USP15: variants seen among roughly 807,000 people sequenced by gnomAD.
USP15 encodes ubiquitin specific peptidase 15, also known as ubiquitin carboxyl-terminal hydrolase 15.
A neutral mutation model predicts 127.1 loss-of-function variants in USP15; 18 were observed. The observed-to-expected ratio is 0.14, with a 90% CI of 0.10 to 0.21. The LOEUF (loss-of-function observed/expected upper bound fraction) is 0.21. Among genes scored for constraint, USP15 ranks in the 10% least tolerant of loss-of-function variants. The pLI is 1.00. For synonymous variants in USP15, 364 were observed against 393.7 expected (o/e 0.92, Z 0.89); for missense variants, 805 against 1,159.9 (o/e 0.69, Z 4.44).
intron 3 of USP15, among the ~76,000 whole-genome samples, chr12:62,306,751 AAGC>A (rs1275826361): frequency 6.6e-6 from 1 of 152,148 alleles, no homozygotes; most frequent in Non-Finnish European, 1.5e-5. Flanking sequence ...TGCTAATACT[AAGC>A]AGTGTTTCTG....
chr12:62,330,873 CTGTGA>C (rs1164724696), intron 6 of USP15, among the ~76,000 whole-genome samples: 2 of 149,152 alleles, frequency 1.3e-5, no homozygotes, highest in Non-Finnish European at 3.0e-5. Flanking sequence ...CTGCAAAGAG[CTGTGA>C]TCACACAACT....
At chr12:62,384,420 A>G in intron 11 of USP15, 118 bp downstream of exon 11, 1 of 775,862 alleles carries the variant, frequency 1.3e-6, no homozygotes, top group Non-Finnish European at 2.0e-6. Context: ...TATCAAGCCC[A>G]ATCAATAATG....
intron 6 of USP15, among the ~76,000 whole-genome samples, chr12:62,332,683 C>A (rs1029299809): frequency 1.3e-5 from 2 of 152,060 alleles, no homozygotes; most frequent in Non-Finnish European, 2.9e-5. Context: ...GACTGGAAAA[C>A]ATCCAGAGAA....
At chr12:62,326,497 G>A (rs1398024996) in intron 6 of USP15, among the ~76,000 whole-genome samples, 2 of 152,136 alleles carry the variant, frequency 1.3e-5, no homozygotes, top group African/African-American at 4.8e-5. Flanking sequence ...GCTCTAAGAA[G>A]TAATATGGTA....
chr12:62,335,582 T>G, intron 6 of USP15: 1 of 1,018,324 alleles, frequency 9.8e-7, no homozygotes, highest in Non-Finnish European at 1.2e-6. Flanking sequence ...GCCACACATA[T>G]GGTAAACACC....
rs537846524 is a variant in USP15, at chr12:62,409,356, T to C, written c.*4981T>C. On this transcript the variant is annotated 3_prime_UTR_variant, in exon 22 of 22. Coordinates refer to ENST00000280377, the MANE Select transcript of USP15 (RefSeq NM_001252078.2). ...AGAGAGAAAATCAGTCAAATGGGTT[T>C]TGATATTTTTTTTTCCTAGAAATGT... is the stretch of plus-strand genomic sequence containing the variant. 1.4e-4 allele frequency: 21 copies of C among 152,282 alleles called. No individual in the cohort carries two copies. The highest frequency in any genetic ancestry group is 4.6e-4 in the African/African-American group (19 of 41,566). The allele number at this position is 152,282 out of a possible 1,614,324, so 9.4% of individuals were successfully genotyped here.
At chr12:62,346,832 A>G (rs745581240) in intron 6 of USP15, among the ~76,000 whole-genome samples, 1 of 152,164 alleles carries the variant, frequency 6.6e-6, no homozygotes, top group African/African-American at 2.4e-5. Flanking sequence ...AGTACTTCCT[A>G]GTCTTTCAGC....
At chr12:62,337,181 A>T (rs73136830) in intron 6 of USP15, among the ~76,000 whole-genome samples, 1 of 152,130 alleles carries the variant, frequency 6.6e-6, no homozygotes, top group Admixed American at 6.5e-5. Context: ...CGAAAGCCCA[A>T]ATTTTATCAT....
rs372265021 is a variant in USP15 at position 62,409,249 on chromosome 12, T to A, written c.*4874T>A. ...GGGTTGTGAAATAGATCTCAGACTA[T>A]TAAGGACATTCAGAAACTGGCTAAG... On this transcript the variant is annotated 3_prime_UTR_variant, in exon 22 of 22. Transcript: ENST00000280377. 4 of 152,144 alleles carry A rather than the reference T, an allele frequency of 2.6e-5. No individual in the cohort carries two copies. In the East Asian group the frequency reaches 7.7e-4, roughly 29 times the overall value. The allele number at this position is 152,144 out of a possible 1,614,324, so 9.4% of individuals were successfully genotyped here. A position where few individuals can be genotyped will look rare whatever the true frequency, so the allele number is the denominator to read the frequency against.
At chr12:62,324,073 T>C (rs1190136798) in intron 5 of USP15, among the ~76,000 whole-genome samples, 1 of 151,874 alleles carries the variant, frequency 6.6e-6, no homozygotes, top group Non-Finnish European at 1.5e-5. Context: ...TATTGAAGAG[T>C]TTGCCTCCCA....
chr12:62,340,944 T>A (rs2065626930), intron 6 of USP15, among the ~76,000 whole-genome samples: 1 of 152,178 alleles, frequency 6.6e-6, no homozygotes, highest in Non-Finnish European at 1.5e-5. Context: ...ATTTTCTATC[T>A]CATTGATCTG....
chr12:62,355,372 A>G lies in USP15; in HGVS notation c.812A>G (p.Tyr271Cys), dbSNP rs1235480720. 2 of 1,611,058 alleles carry G rather than the reference A, an allele frequency of 1.2e-6. No individual in the cohort carries two copies. The highest frequency in any genetic ancestry group is 2.2e-5 in the East Asian group (1 of 44,776). The stretch of plus-strand genomic sequence containing the variant: ...TACTGTCTTCCATCATATACCGCTT[A>G]TAAGAACTATGATTATTCGGAACCT... ...SNYCLPSYTA[Y>C]KNYDYSEPGR... The change falls in exon 8 of 22, where the codon TAT (tyrosine) becomes TGT (cysteine). Residue 271 changes from tyrosine to cysteine, a missense_variant. By Grantham distance (194) the Tyr-to-Cys change is radical (BLOSUM62 -2). Around this residue, in one of 11 missense-constraint regions of USP15, gnomAD observed 84 missense variants for 107.7 expected, o/e 0.78. Coordinates refer to ENST00000280377, the MANE Select transcript of USP15 (RefSeq NM_001252078.2).
At chr12:62,367,283 G>A (rs890250827) in intron 8 of USP15, among the ~76,000 whole-genome samples, 1 of 152,046 alleles carries the variant, frequency 6.6e-6, no homozygotes, top group African/African-American at 2.4e-5. Context: ...CCAGGCTGGA[G>A]TGCAGTGGCG....
intron 6 of USP15, among the ~76,000 whole-genome samples, chr12:62,343,364 C>T (rs570066670): frequency 3.2e-4 from 48 of 152,302 alleles, no homozygotes; most frequent in African/African-American, 1.0e-3. Context: ...GAGTGGGACC[C>T]GCTGAGCGAG....
rs1291246100 is a variant in USP15 at position 62,415,899 on chromosome 12, A to G, written c.*11524A>G. 2.0e-5 allele frequency: 3 copies of G among 152,148 alleles called. No individual in the cohort carries two copies. Among genetic ancestry groups the G allele is most frequent in the Admixed American group, 2.0e-4 (3 of 15,268 alleles). The allele number at this position is 152,148 out of a possible 1,614,324, so 9.4% of individuals were successfully genotyped here. On this transcript the variant is annotated 3_prime_UTR_variant, in exon 22 of 22. Transcript: ENST00000280377. ...TATTATTACTAATAAAGAAGTACCCAACTATGGGAATGATTGTTCCTTCCT... is the reference window on the plus strand; with the variant it reads ...TATTATTACTAATAAAGAAGTACCCGACTATGGGAATGATTGTTCCTTCCT...
chr12:62,340,658 A>C (rs2065618825), intron 6 of USP15, among the ~76,000 whole-genome samples: 1 of 152,208 alleles, frequency 6.6e-6, no homozygotes, highest in African/African-American at 2.4e-5. Context: ...ATTCAGGAGC[A>C]GGTTCTTCAA....
rs1307367429 is a variant in USP15, at chr12:62,390,966, A to G, written c.1947A>G (p.Glu649=). 6.2e-7 allele frequency: 1 copy of G among 1,611,718 alleles called. No homozygotes were observed. The highest frequency in any genetic ancestry group is 8.5e-7 in the Non-Finnish European group (1 of 1,178,672). ...INGNGPNGIH[E]EGSPSEMETD... ...GGAATGGCCCAAATGGCATACATGA[A>G]GAAGGCTCACCAAGTAAGACTTTTC... The change falls in exon 15 of 22, where the codon GAA becomes GAG. Residue 649 remains glutamate, a synonymous_variant. Coordinates refer to ENST00000280377, the MANE Select transcript of USP15 (RefSeq NM_001252078.2).
intron 6 of USP15, among the ~76,000 whole-genome samples, chr12:62,327,936 G>A (rs75792185): frequency 1.3e-4 from 19 of 150,428 alleles, no homozygotes; most frequent in African/African-American, 4.4e-4. Flanking sequence ...GTCATAAATT[G>A]CCAAATAATA....
Position 62,391,292 on chromosome 12 carries a change from C to T in USP15, c.2096C>T (p.Thr699Ile). 1.2e-6 allele frequency: 2 copies of T among 1,613,554 alleles called. No individual in the cohort carries two copies. Among genetic ancestry groups the T allele is most frequent in the South Asian group, 2.2e-5 (2 of 91,046 alleles). Residue 699 changes from threonine to isoleucine, a missense_variant, in exon 16 of 22, where the codon ACT becomes ATT. Around this residue, in one of 11 missense-constraint regions of USP15, gnomAD observed 225 missense variants for 239.5 expected, o/e 0.94. Transcript: ENST00000280377. ...GAAAATGGATTATGTACTGAGGATA[C>T]TTGCAAAGGTCAACTCACGGGACAC... The part of the protein sequence containing the change: ...DSENGLCTED[T>I]CKGQLTGHKK...
Sources: allele counts gnomAD v4.1 joint callset (sites outside exome capture counted in the v4.1 genomes callset), GRCh38; gene constraint gnomAD v4.1.1; regional missense constraint gnomAD v4.1.1; transcripts MANE v1.5; gene names NCBI Gene and HGNC (gene_info 2026-07-23, HGNC 2026-07-21).